The following TEX26 variants were observed in gnomAD, a reference collection of about 807,000 sequenced individuals.
TEX26 encodes testis-expressed protein 26.
Under a neutral mutation model 35.3 loss-of-function variants are expected in TEX26, and 34 were observed. The ratio of observed to expected loss-of-function variants is 0.96; its 90% CI spans 0.73 to 1.28. The LOEUF (loss-of-function observed/expected upper bound fraction) is 1.28, where lower values mean the gene tolerates loss of function less well. Ranked by LOEUF, TEX26 falls within the 50% of genes most tolerant of loss-of-function variation. TEX26 has a pLI of 0.00. For missense variants in TEX26, 371 were observed against 330.1 expected, an observed-to-expected ratio of 1.12 and a Z score of -0.96; for synonymous variants, 136 against 111.8, an observed-to-expected ratio of 1.22 and a Z score of -1.36.
chr13:30,955,522 G>C (rs1288027377), intron 3 of TEX26, among the ~76,000 whole-genome samples: 1 of 152,212 alleles, frequency 6.6e-6, no homozygotes, highest in African/African-American at 2.4e-5. Flanking sequence ...AAAATTAAAA[G>C]AGGTTTAAAA....
At chr13:30,937,780 G>T (rs985916373) in intron 1 of TEX26, among the ~76,000 whole-genome samples, 1 of 152,190 alleles carries the variant, frequency 6.6e-6, no homozygotes, top group African/African-American at 2.4e-5. Flanking sequence ...GGGCTCTTAA[G>T]TGGAGGTAGA....
At chr13:30,934,051 C>A (rs1953175111) in intron 1 of TEX26, among the ~76,000 whole-genome samples, 1 of 152,206 alleles carries the variant, frequency 6.6e-6, no homozygotes, top group Non-Finnish European at 1.5e-5. Context: ...ACAGCAGGGC[C>A]TCCAACTTGA....
chr13:30,966,408 G>T lies in TEX26; in HGVS notation c.646+10G>T. 1 of 1,533,998 alleles carries T rather than the reference G, an allele frequency of 6.5e-7. No individual in the cohort carries two copies. ...GCTTCTCAGGGTCTAGGTGAGTACA[G>T]CTGCAGTTTCTTTTTCTTTTTCTCT... On this transcript the variant is annotated intron_variant, in intron 5 of 6. Transcript: ENST00000380473.
intron 1 of TEX26, among the ~76,000 whole-genome samples, chr13:30,936,042 C>A (rs1196875438): frequency 6.6e-6 from 1 of 152,122 alleles, no homozygotes; most frequent in African/African-American, 2.4e-5. Context: ...TGCAAAGACC[C>A]CTTTTCCCAA....
chr13:30,944,321 A>T (rs1173852580), intron 2 of TEX26, among the ~76,000 whole-genome samples: 1 of 151,876 alleles, frequency 6.6e-6, no homozygotes, highest in Non-Finnish European at 1.5e-5. Flanking sequence ...TTCCATTTCA[A>T]ATTGAGTTTA....
chr13:30,974,132 ATAT>A (rs1183637937), intron 6 of TEX26, among the ~76,000 whole-genome samples: 72 of 24,970 alleles, frequency 2.9e-3, no homozygotes, highest in Non-Finnish European at 5.6e-3. Flanking sequence ...AAAAAAAAAA[ATAT>A]ATATATATAT....
At chr13:30,948,664 C>T (rs1287676991) in intron 2 of TEX26, among the ~76,000 whole-genome samples, 2 of 152,082 alleles carry the variant, frequency 1.3e-5, no homozygotes, top group Non-Finnish European at 2.9e-5. Context: ...GAGTAGGTTG[C>T]TAAAATTTTC....
Position 30,966,312 on chromosome 13 carries a change from A to G in TEX26, c.560A>G (p.Gln187Arg). The change falls in exon 5 of 7, where the codon CAA (glutamine) becomes CGA (arginine). Residue 187 changes from glutamine to arginine, a missense_variant. Coordinates refer to ENST00000380473, the MANE Select transcript of TEX26 (RefSeq NM_152325.3). ...GACACTGAATTCCGAAGGAATTACC[A>G]AATTCCAGCTAAAATTCCTGAGCTT... Reference protein sequence around the residue: ...PPDTEFRRNYQIPAKIPELQD... With the variant: ...PPDTEFRRNYRIPAKIPELQD... The G allele has an allele frequency of 6.2e-7, 1 of 1,614,122 alleles. No homozygotes were observed. The highest frequency in any genetic ancestry group is 2.2e-5 in the East Asian group (1 of 44,882).
Position 30,975,256 on chromosome 13 carries a change from A to T in TEX26, c.*349A>T, listed in dbSNP as rs543337636. On this transcript the variant is annotated 3_prime_UTR_variant, in exon 7 of 7. Coordinates refer to ENST00000380473, the MANE Select transcript of TEX26 (RefSeq NM_152325.3). ...GTCCCATTAATCAGAGACTTAAGAA[A>T]TCATTTTATTGCCTTATCTCTTCTT... is the stretch of plus-strand genomic sequence containing the variant. 1 of 161,980 alleles carries T rather than the reference A, an allele frequency of 6.2e-6. No homozygotes were observed. The highest frequency in any genetic ancestry group is 2.0e-4 in the South Asian group (1 of 4,996). 10.0% of individuals were successfully genotyped at this position (161,980 alleles called of 1,614,324 possible).
intron 2 of TEX26, among the ~76,000 whole-genome samples, chr13:30,948,152 G>T (rs1007077860): frequency 6.6e-6 from 1 of 152,082 alleles, no homozygotes. Context: ...TGGGACATTT[G>T]GGTTGGTTCC....
intron 2 of TEX26, among the ~76,000 whole-genome samples, chr13:30,947,370 CAT>C (rs1049506508): frequency 6.6e-6 from 1 of 151,772 alleles, no homozygotes; most frequent in African/African-American, 2.4e-5. Context: ...AAACTTTGTT[CAT>C]ATATATATAG....
chr13:30,944,463 T>G (rs990312531), intron 2 of TEX26, among the ~76,000 whole-genome samples: 1 of 152,028 alleles, frequency 6.6e-6, no homozygotes, highest in African/African-American at 2.4e-5. Context: ...TCTCCGATCT[T>G]ATTTCTTTTC....
At chr13:30,938,076 A>T (rs904427697) in intron 1 of TEX26, among the ~76,000 whole-genome samples, 27 of 152,240 alleles carry the variant, frequency 1.8e-4, no homozygotes, top group Admixed American at 1.3e-4. Context: ...TGGCTACAGT[A>T]TTCTAGGGAT....
chr13:30,949,583 G>T (rs1953845046), intron 2 of TEX26, among the ~76,000 whole-genome samples: 1 of 151,974 alleles, frequency 6.6e-6, no homozygotes, highest in South Asian at 2.1e-4. Context: ...AGTGTTAAAA[G>T]ATTTGGGTCT....
At chr13:30,969,922 C>T (rs914530) in intron 6 of TEX26, among the ~76,000 whole-genome samples, 105,375 of 151,796 alleles carry the variant, frequency 0.69, 37,310 homozygotes, top group African/African-American at 0.84. Flanking sequence ...TCTAGGCTAT[C>T]TGGGGGCTAC....
intron 6 of TEX26, among the ~76,000 whole-genome samples, chr13:30,974,116 A>G (rs1954798938): frequency 1.3e-5 from 1 of 78,750 alleles, no homozygotes; most frequent in Admixed American, 1.5e-4. Flanking sequence ...GTGAGCCTCC[A>G]TCTAAAAAAA....
At chr13:30,947,968 C>T (rs1436763643) in intron 2 of TEX26, among the ~76,000 whole-genome samples, 3 of 151,938 alleles carry the variant, frequency 2.0e-5, no homozygotes, top group Non-Finnish European at 4.4e-5. Flanking sequence ...CAATTCACAC[C>T]CATGAGTGAG....
intron 1 of TEX26, among the ~76,000 whole-genome samples, chr13:30,935,908 G>T (rs1384466143): frequency 6.6e-6 from 1 of 152,230 alleles, no homozygotes; most frequent in Non-Finnish European, 1.5e-5. Context: ...ATCCTGTAAT[G>T]CTAGCTTGTG....
chr13:30,964,488 A>T (rs1954458915), intron 4 of TEX26, among the ~76,000 whole-genome samples: 1 of 152,244 alleles, frequency 6.6e-6, no homozygotes, highest in Non-Finnish European at 1.5e-5. Flanking sequence ...GAACTGATAT[A>T]GGAACTGAAA....
Sources: gnomAD v4.1 joint callset for allele counts (sites outside exome capture counted in the v4.1 genomes callset) on GRCh38, gnomAD v4.1.1 for gene constraint, MANE v1.5 for transcripts, NCBI Gene and HGNC (gene_info 2026-07-23, HGNC 2026-07-21) for gene names.